Variants in DMP1 observed in about 807,000 individuals in gnomAD.
The protein encoded by DMP1 is dentin matrix acidic phosphoprotein 1.
Under a neutral mutation model 14.6 loss-of-function variants are expected in DMP1, and 20 were observed. The ratio of observed to expected loss-of-function variants is 1.37; its 90% CI spans 0.96 to 1.99. The LOEUF is 1.99. Ranked by LOEUF, DMP1 falls within the 30% of genes most tolerant of loss-of-function variation. The probability of loss-of-function intolerance (pLI) is 0.00; values close to 1 mark genes in which losing one functional copy is unlikely to be tolerated. For synonymous variants in DMP1, 197 were observed against 215.3 expected, an observed-to-expected ratio of 0.91 and a Z score of 0.75; for missense variants, 567 against 620.5, an observed-to-expected ratio of 0.91 and a Z score of 0.92.
Position 87,663,063 on chromosome 4 carries a change from A to G in DMP1, c.1285A>G (p.Ser429Gly), listed in dbSNP as rs944782562. ...PESPEDENSS[S>G]QEGLQSHSSS... is the part of the protein sequence containing the mutation. Reference sequence around the variant, plus strand: ...GTCCCCTGAGGATGAGAACAGCTCCAGCCAGGAGGGCCTCCAGTCTCACAG... The same window carrying G: ...GTCCCCTGAGGATGAGAACAGCTCCGGCCAGGAGGGCCTCCAGTCTCACAG... The change falls in exon 6 of 6, where the codon AGC becomes GGC. Residue 429 changes from serine to glycine, a missense_variant. Coordinates refer to ENST00000339673, the MANE Select transcript of DMP1 (RefSeq NM_004407.4). 1.2e-6 allele frequency: 2 copies of G among 1,614,108 alleles called. No homozygotes were observed. Among genetic ancestry groups the G allele is most frequent in the African/African-American group, 2.7e-5 (2 of 74,952 alleles).
chr4:87,652,758 A>G (rs901115084), intron 1 of DMP1, among the ~76,000 whole-genome samples: 6 of 152,226 alleles, frequency 3.9e-5, no homozygotes, highest in Non-Finnish European at 7.3e-5. Context: ...AGAAAATACA[A>G]GAGAATTCAA....
intron 3 of DMP1, among the ~76,000 whole-genome samples, chr4:87,658,367 G>A (rs1560491759): frequency 6.6e-6 from 1 of 152,240 alleles, no homozygotes; most frequent in Non-Finnish European, 1.5e-5. Flanking sequence ...AAGAAGTGAT[G>A]GGGAGGGGTA....
intron 2 of DMP1, 100 bp from the exon 3 acceptor site, chr4:87,656,932 C>T: frequency 1.3e-6 from 1 of 786,142 alleles, no homozygotes; most frequent in Non-Finnish European, 2.3e-6. Flanking sequence ...TCTGATGCAG[C>T]CTAAAATTTG....
At chr4:87,656,427 T>C (rs1728695933) in intron 1 of DMP1, 45 bp from the exon 2 acceptor site, 1 of 1,144,806 alleles carries the variant, frequency 8.7e-7, no homozygotes, top group Admixed American at 1.7e-5. Flanking sequence ...TGAAACTACT[T>C]TATTCCTTTA....
intron 5 of DMP1, among the ~76,000 whole-genome samples, chr4:87,661,326 A>G (rs1728867319): frequency 7.0e-6 from 1 of 143,718 alleles, no homozygotes; most frequent in South Asian, 2.2e-4. Context: ...GGTTCACGCC[A>G]TTCTCCTGCC....
chr4:87,654,943 G>T (rs1578151262), intron 1 of DMP1, among the ~76,000 whole-genome samples: 1 of 152,140 alleles, frequency 6.6e-6, no homozygotes, highest in Admixed American at 6.5e-5. Flanking sequence ...TTGGGGTAAA[G>T]ATCTCAGGGC....
At position 87,663,001 on chromosome 4, in the gene DMP1, C is replaced by A. The variant is rs762324940; in HGVS notation, c.1223C>A (p.Ser408Tyr). Residue 408 changes from serine to tyrosine, a missense_variant, in exon 6 of 6, where the codon TCC becomes TAC. Coordinates refer to ENST00000339673, the MANE Select transcript of DMP1 (RefSeq NM_004407.4). ...AGAGAGGAGCAAGCAGACAGCGAAT[C>A]CAGTGAGAGCCTCAACTTCTCAGAG... The part of the protein sequence containing the change: ...ESREEQADSE[S>Y]SESLNFSEES... 1 of 1,614,192 alleles carries A rather than the reference C, an allele frequency of 6.2e-7. No individual in the cohort carries two copies. Among genetic ancestry groups the A allele is most frequent in the South Asian group, 1.1e-5 (1 of 91,080 alleles).
intron 4 of DMP1, 41 bp downstream of exon 4, chr4:87,659,293 G>A (rs1350648334): frequency 2.5e-6 from 4 of 1,611,638 alleles, no homozygotes; most frequent in East Asian, 2.2e-5. Context: ...ATCTCATGAA[G>A]TAACTTTAAC....
chr4:87,659,357 A>T, intron 4 of DMP1, 74 bp from the exon 5 acceptor site: 1 of 1,594,862 alleles, frequency 6.3e-7, no homozygotes, highest in Non-Finnish European at 8.6e-7. Context: ...GACTGGAAGC[A>T]ATTGATGTGT....
At chr4:87,659,191 T>G in intron 3 of DMP1, 29 bp from the exon 4 acceptor site, 1 of 1,611,970 alleles carries the variant, frequency 6.2e-7, no homozygotes, top group Non-Finnish European at 8.5e-7. Context: ...GAGGGAGTAA[T>G]TTGTTTTCCT....
At chr4:87,651,169 T>C (rs1728523282) in intron 1 of DMP1, among the ~76,000 whole-genome samples, 1 of 152,164 alleles carries the variant, frequency 6.6e-6, no homozygotes, top group Non-Finnish European at 1.5e-5. Flanking sequence ...ATACTTTCTG[T>C]TTAACTGAGG....
chr4:87,658,630 T>C (rs1336520490), intron 3 of DMP1: 1 of 154,254 alleles, frequency 6.5e-6, no homozygotes, highest in African/African-American at 2.4e-5. Flanking sequence ...GATACTTCCA[T>C]AGGCATTAGC....
At chr4:87,651,648 A>G (rs2110009182) in intron 1 of DMP1, among the ~76,000 whole-genome samples, 1 of 152,228 alleles carries the variant, frequency 6.6e-6, no homozygotes, top group African/African-American at 2.4e-5. Flanking sequence ...GGAGAAAGCT[A>G]CCAAAATATT....
Position 87,657,081 on chromosome 4 carries a change from T to G in DMP1, c.102+2T>G. The G allele has an allele frequency of 6.6e-7, 1 of 1,514,014 alleles. No individual in the cohort carries two copies. The highest frequency in any genetic ancestry group is 1.1e-5 in the South Asian group (1 of 88,248). 93.8% of individuals were successfully genotyped at this position (1,514,014 alleles called of 1,614,324 possible). The stretch of plus-strand genomic sequence containing the variant: ...TCTGAGGATTCTGAAGAATGGAAGG[T>G]GAGTAGAAATATGACTTTTTGAAAT... On this transcript the variant is annotated splice_donor_variant, in intron 3 of 5. Coordinates refer to ENST00000339673, the MANE Select transcript of DMP1 (RefSeq NM_004407.4). LOFTEE classifies it high-confidence loss of function.
At position 87,663,563 on chromosome 4, in the gene DMP1, G is replaced by C. The variant is rs1728996357; in HGVS notation, c.*243G>C. ...GCTAGAAGCAAGAAAGGATCTGCAT[G>C]ATAACTTTGCAGCTGAGATAGTTCC... On this transcript the variant is annotated 3_prime_UTR_variant, in exon 6 of 6. Coordinates refer to ENST00000339673, the MANE Select transcript of DMP1 (RefSeq NM_004407.4). 1 of 573,198 alleles carries C rather than the reference G, an allele frequency of 1.7e-6. No individual in the cohort carries two copies. Among genetic ancestry groups the C allele is most frequent in the South Asian group, 2.0e-5 (1 of 49,560 alleles). 35.5% of individuals were successfully genotyped at this position (573,198 alleles called of 1,614,324 possible).
At chr4:87,656,582 T>G in intron 2 of DMP1, 36 bp downstream of exon 2, 1 of 1,429,158 alleles carries the variant, frequency 7.0e-7, no homozygotes, top group South Asian at 1.1e-5. Flanking sequence ...AAAAAACCCT[T>G]TCATACTTAA....
intron 1 of DMP1, among the ~76,000 whole-genome samples, chr4:87,651,330 G>A (rs1728526416): frequency 6.6e-6 from 1 of 152,076 alleles, no homozygotes; most frequent in Admixed American, 6.5e-5. Flanking sequence ...TAATTTTGGG[G>A]GCACCTCAGA....
chr4:87,656,869 C>A (rs1482348089), intron 2 of DMP1, among the ~76,000 whole-genome samples, 163 bp from the exon 3 acceptor site: 3 of 152,188 alleles, frequency 2.0e-5, no homozygotes. Flanking sequence ...CTAAGCCAGA[C>A]TCTTTAGGGA....
At chr4:87,653,407 A>AATATATATATATATAT (rs1728581933) in intron 1 of DMP1, among the ~76,000 whole-genome samples, 1 of 104,196 alleles carries the variant, frequency 9.6e-6, no homozygotes, top group Non-Finnish European at 2.0e-5. Context: ...ATATATATAT[A>AATATATATATATATAT]TATATATATA....
Sources: gnomAD v4.1 joint callset for allele counts (sites outside exome capture counted in the v4.1 genomes callset) on GRCh38, gnomAD v4.1.1 for gene constraint, MANE v1.5 for transcripts, NCBI Gene and HGNC (gene_info 2026-07-23, HGNC 2026-07-21) for gene names.